REXO4: variants seen among roughly 807,000 people sequenced by gnomAD.
The protein encoded by REXO4 is REX4 homolog, 3'-5' exonuclease.
A neutral mutation model predicts 39.9 loss-of-function variants in REXO4; 29 were observed. The ratio of observed to expected loss-of-function variants is 0.73; its 90% CI spans 0.54 to 0.99. REXO4 has a LOEUF of 0.99. Ranked by LOEUF, REXO4 falls within the 50% of genes least tolerant of loss-of-function variation. The probability of loss-of-function intolerance (pLI) is 0.00; values close to 1 mark genes in which losing one functional copy is unlikely to be tolerated. For missense variants in REXO4, 524 were observed against 546.5 expected (o/e 0.96, Z 0.41); for synonymous variants, 184 against 206.2 (o/e 0.89, Z 0.92).
intron 4 of REXO4, 99 bp downstream of exon 4, chr9:133,412,200 G>T: frequency 8.0e-7 from 1 of 1,243,702 alleles, no homozygotes; most frequent in Non-Finnish European, 1.2e-6. Flanking sequence ...ATCAAAACCA[G>T]CTGCAGTGAG....
chr9:133,411,388 G>A (rs1006628704), intron 4 of REXO4, among the ~76,000 whole-genome samples: 1 of 152,202 alleles, frequency 6.6e-6, no homozygotes, highest in Non-Finnish European at 1.5e-5. Context: ...TTTTAGAGCC[G>A]CCTGGCAGCG....
chr9:133,413,834 A>G (rs1213639559), intron 2 of REXO4, among the ~76,000 whole-genome samples: 1 of 152,202 alleles, frequency 6.6e-6, no homozygotes, highest in Non-Finnish European at 1.5e-5. Context: ...GCACTTGACA[A>G]TAAGCCTCAA....
intron 5 of REXO4, among the ~76,000 whole-genome samples, 197 bp from the exon 6 acceptor site, chr9:133,409,039 G>C (rs887157096): frequency 6.7e-6 from 1 of 149,448 alleles, no homozygotes; most frequent in African/African-American, 2.5e-5. Flanking sequence ...AATCTTTGCT[G>C]ACTGCAACCT....
intron 7 of REXO4, 143 bp from the exon 8 acceptor site, chr9:133,407,215 G>T: frequency 7.7e-7 from 1 of 1,297,890 alleles, no homozygotes; most frequent in Non-Finnish European, 1.1e-6. Context: ...ATGTCACCAG[G>T]ACGGGGAGGG....
intron 5 of REXO4, among the ~76,000 whole-genome samples, 189 bp from the exon 6 acceptor site, chr9:133,409,031 T>C: frequency 6.6e-6 from 1 of 150,954 alleles, no homozygotes; most frequent in East Asian, 2.0e-4. Context: ...AGTGGCTCAA[T>C]CTTTGCTGAC....
chr9:133,411,134 G>A, intron 4 of REXO4, 61 bp from the exon 5 acceptor site: 6 of 1,386,994 alleles, frequency 4.3e-6, no homozygotes, highest in Middle Eastern at 1.8e-4. Flanking sequence ...CATTCTGTGA[G>A]GAGGCAGCCC....
chr9:133,409,834 AT>A (rs1554779779), intron 5 of REXO4, among the ~76,000 whole-genome samples: 2 of 152,228 alleles, frequency 1.3e-5, no homozygotes, highest in African/African-American at 2.4e-5. Context: ...AAAAGCTGCG[AT>A]TACAGGCATA....
chr9:133,409,667 T>G (rs1376116171), intron 5 of REXO4, among the ~76,000 whole-genome samples: 1 of 152,122 alleles, frequency 6.6e-6, no homozygotes, highest in East Asian at 1.9e-4. Context: ...GCTCAACTGA[T>G]CCTCCTACCC....
chr9:133,417,665 T>G lies in REXO4; in HGVS notation c.180A>C (p.Pro60=). The G allele has an allele frequency of 6.2e-7, 1 of 1,614,098 alleles. No individual in the cohort carries two copies. The highest frequency in any genetic ancestry group is 8.5e-7 in the Non-Finnish European group (1 of 1,179,954). Residue 60 remains proline (P), a synonymous_variant, in exon 1 of 8, where the codon CCA becomes CCC. Transcript: ENST00000371942. The part of the protein sequence containing the change: ...ASGPGAVVRP[P]KAPEDFSQNW... ...TTTGAGAAAAGTCTTCTGGTGCCTT[T>G]GGAGGTCGCACCACAGCACCGGGGC...
rs781838679 is a variant in REXO4 at position 133,407,035 on chromosome 9, A to G, written c.1187T>C (p.Met396Thr). The change falls in exon 8 of 8, where the codon ATG becomes ACG. Residue 396 changes from methionine (M) to threonine (T), a missense_variant. Transcript: ENST00000371942. ...DAQAAMRLYV[M>T]VKKEWESMAR... Reference sequence around the variant, plus strand: ...CATGCTCTCCCACTCCTTCTTCACCATGACGTACAGCCTCATTGCTGCCTG... The same window carrying G: ...CATGCTCTCCCACTCCTTCTTCACCGTGACGTACAGCCTCATTGCTGCCTG... 6 of 1,613,268 alleles carry G rather than the reference A, an allele frequency of 3.7e-6. No individual in the cohort carries two copies. The Admixed American group carries it at 5.0e-5, about 13-fold the overall frequency.
At position 133,407,900 on chromosome 9, in the gene REXO4, C is replaced by T. The variant is rs781871611; in HGVS notation, c.1075-19G>A. 3.9e-5 allele frequency: 63 copies of T among 1,604,650 alleles called. No individual in the cohort carries two copies. In the Admixed American group the frequency reaches 6.4e-4, roughly 16 times the overall value. Reference sequence around the variant, plus strand: ...TTCCACTCTGCAAAGGGGGAAGAGGCGGGTGGGGGCCTCTGCAGGCTCGGC... The same window carrying T: ...TTCCACTCTGCAAAGGGGGAAGAGGTGGGTGGGGGCCTCTGCAGGCTCGGC... On this transcript the variant is annotated intron_variant, in intron 6 of 7. Coordinates refer to ENST00000371942, the MANE Select transcript of REXO4 (RefSeq NM_020385.4).
chr9:133,406,961 C>G lies in REXO4; in HGVS notation c.1261G>C (p.Asp421His), dbSNP rs782465318. The G allele has an allele frequency of 6.2e-7, 1 of 1,611,194 alleles. No individual in the cohort carries two copies. Among genetic ancestry groups the G allele is most frequent in the African/African-American group, 1.3e-5 (1 of 74,920 alleles). ...GCAGCAGGGCAGGACTGCTAGGCGT[C>G]GTCACTGCAGTGGTCTGGAGCAGTC... ...LLTAPDHCSD[D>H]A The change falls in exon 8 of 8, where the codon GAC becomes CAC. Residue 421 changes from aspartate (D) to histidine (H), a missense_variant. Physicochemically the swap from Asp to His is moderately conservative, Grantham distance 81 (BLOSUM62 -1). Transcript: ENST00000371942.
intron 5 of REXO4, among the ~76,000 whole-genome samples, chr9:133,410,110 G>A (rs1034080442): frequency 1.1e-4 from 17 of 152,290 alleles, no homozygotes; most frequent in Non-Finnish European, 2.4e-4. Flanking sequence ...GTGCCGTCAC[G>A]GGAGCACCAT....
intron 7 of REXO4, 52 bp downstream of exon 7, chr9:133,407,755 C>T (rs1838983910): frequency 2.0e-6 from 3 of 1,483,728 alleles, no homozygotes; most frequent in South Asian, 2.3e-5. Flanking sequence ...TGTCTGGTTC[C>T]AGGTGGGAAA....
At chr9:133,409,038 T>A (rs1370902483) in intron 5 of REXO4, among the ~76,000 whole-genome samples, 196 bp from the exon 6 acceptor site, 1 of 150,928 alleles carries the variant, frequency 6.6e-6, no homozygotes, top group Non-Finnish European at 1.5e-5. Flanking sequence ...CAATCTTTGC[T>A]GACTGCAACC....
rs1839472320 is a variant in REXO4 at position 133,414,838 on chromosome 9, AG to A, written c.398del (p.Pro133LeufsTer76). 6.2e-7 allele frequency: 1 copy of A among 1,614,038 alleles called. No homozygotes were observed. Among genetic ancestry groups the A allele is most frequent in the South Asian group, 1.1e-5 (1 of 91,090 alleles). On this transcript the variant is annotated frameshift_variant, in exon 2 of 8. Coordinates refer to ENST00000371942, the MANE Select transcript of REXO4 (RefSeq NM_020385.4). LOFTEE classifies it high-confidence loss of function. ...CCCTCCTGTCCATCTTGGAACCTGA[AG>A]GAACAGAGCCCCTGCTGGCCTCCTG... ...KDQEASRGSV[P>X]SGSKMDRRAP... is the part of the protein sequence containing the mutation.
At chr9:133,414,334 G>T in intron 2 of REXO4, 2 of 532,696 alleles carry the variant, frequency 3.8e-6, no homozygotes, top group East Asian at 4.7e-5. Flanking sequence ...CACAGAGGAC[G>T]TCAGAAACTT....
chr9:133,411,742 T>C (rs950972473), intron 4 of REXO4, among the ~76,000 whole-genome samples: 1 of 151,772 alleles, frequency 6.6e-6, no homozygotes, highest in Non-Finnish European at 1.5e-5. Flanking sequence ...GCCTGACCAA[T>C]GTGGAGAAAC....
At chr9:133,416,740 G>A (rs1839637884) in intron 1 of REXO4, among the ~76,000 whole-genome samples, 2 of 152,178 alleles carry the variant, frequency 1.3e-5, no homozygotes, top group South Asian at 2.1e-4. Context: ...GTTCCCAGCC[G>A]CAATCTTAGA....
Sources: allele counts gnomAD v4.1 joint callset (sites outside exome capture counted in the v4.1 genomes callset), GRCh38; gene constraint gnomAD v4.1.1; transcripts MANE v1.5; gene names NCBI Gene and HGNC (gene_info 2026-07-23, HGNC 2026-07-21).